TMEM100: variants seen among roughly 807,000 people sequenced by gnomAD.
TMEM100 encodes the protein transmembrane protein 100.
For missense variants in TMEM100, 137 were observed against 168.2 expected (o/e 0.81, Z 1.02); for synonymous variants, 61 against 67.1 (o/e 0.91, Z 0.44).
chr17:55,729,208 G>T (rs1483409007), intron 1 of TMEM100, among the ~76,000 whole-genome samples: 1 of 152,206 alleles, frequency 6.6e-6, no homozygotes, highest in Non-Finnish European at 1.5e-5. Context: ...TGAGACACCA[G>T]TTGGGATGCC....
Position 55,721,117 on chromosome 17 carries a change from A to G in TMEM100, c.-47T>C. 1 of 1,547,226 alleles carries G rather than the reference A, an allele frequency of 6.5e-7. No individual in the cohort carries two copies. Among genetic ancestry groups the G allele is most frequent in the Middle Eastern group, 1.8e-4 (1 of 5,614 alleles). On this transcript the variant is annotated 5_prime_UTR_variant, in exon 2 of 2. Transcript: ENST00000424486. ...CTGGGTTTACAGACTAGATCTGGAC[A>G]GTCTCACCAGGGTGAAAGCTGTGAA... is the stretch of plus-strand genomic sequence containing the variant.
chr17:55,723,567 C>T (rs1434263402), upstream of TMEM100, among the ~76,000 whole-genome samples: 2 of 152,130 alleles, frequency 1.3e-5, no homozygotes, highest in Non-Finnish European at 2.9e-5. Flanking sequence ...TAAGAAATGT[C>T]ACATATTAAT....
intron 1 of TMEM100, 183 bp downstream of exon 1, chr17:55,722,436 C>T (rs1908923271): frequency 6.6e-6 from 1 of 152,192 alleles, no homozygotes; most frequent in East Asian, 1.9e-4. Context: ...CTTAGAGCTG[C>T]CTACTCACAT....
intron 1 of TMEM100, among the ~76,000 whole-genome samples, chr17:55,728,296 C>G (rs1909122475): frequency 6.6e-6 from 1 of 152,102 alleles, no homozygotes; most frequent in African/African-American, 2.4e-5. Context: ...CTAAGTTTAG[C>G]TTAAGTCTCA....
chr17:55,723,763 T>C (rs942964378), upstream of TMEM100, among the ~76,000 whole-genome samples: 2 of 152,212 alleles, frequency 1.3e-5, no homozygotes. Context: ...TCCCTACCTA[T>C]GTTGAGACCT....
At chr17:55,729,983 T>A (rs1413223524) in intron 1 of TMEM100, among the ~76,000 whole-genome samples, 3 of 152,186 alleles carry the variant, frequency 2.0e-5, no homozygotes, top group Non-Finnish European at 4.4e-5. Flanking sequence ...ACTTCACATA[T>A]GGAGAAACGC....
At chr17:55,728,768 A>T (rs988546720) in intron 1 of TMEM100, among the ~76,000 whole-genome samples, 1 of 152,188 alleles carries the variant, frequency 6.6e-6, no homozygotes, top group Non-Finnish European at 1.5e-5. Flanking sequence ...AGGCCCAGGG[A>T]AGATGAAATC....
chr17:55,731,736 A>G (rs1226314050), exon 1 of TMEM100: 1 of 152,208 alleles, frequency 6.6e-6, no homozygotes, highest in Non-Finnish European at 1.5e-5. Context: ...TCGGGGACTG[A>G]CTGCAGCACA....
intron 1 of TMEM100, among the ~76,000 whole-genome samples, chr17:55,729,799 TA>T (rs1025316217): frequency 2.0e-5 from 3 of 152,220 alleles, no homozygotes; most frequent in African/African-American, 7.2e-5. Flanking sequence ...CATTCAATTT[TA>T]AATTGCTTGA....
At chr17:55,724,952 C>T (rs1909023838), upstream of TMEM100, among the ~76,000 whole-genome samples, 1 of 152,172 alleles carries the variant, frequency 6.6e-6, no homozygotes, top group Non-Finnish European at 1.5e-5. Context: ...GGTGTGTGCA[C>T]CTGCCTTGAT....
rs1908796868 is a variant in TMEM100 at position 55,719,703 on chromosome 17, T to G, written c.*963A>C. 1 of 152,230 alleles carries G rather than the reference T, an allele frequency of 6.6e-6. No homozygotes were observed. Among genetic ancestry groups the G allele is most frequent in the Admixed American group, 6.5e-5 (1 of 15,282 alleles). 9.4% of individuals were successfully genotyped at this position (152,230 alleles called of 1,614,324 possible). On this transcript the variant is annotated 3_prime_UTR_variant, in exon 2 of 2. Transcript: ENST00000424486. ...AAAGACGTTGATTTCCTAATTATAA[T>G]AGCACAGAAATCCTTTAGAATTTAG...
intron 1 of TMEM100, among the ~76,000 whole-genome samples, chr17:55,729,101 T>C (rs2144872967): frequency 6.6e-6 from 1 of 152,356 alleles, no homozygotes; most frequent in Non-Finnish European, 1.5e-5. Flanking sequence ...TGAACAGGAT[T>C]GCACAGTGAG....
At chr17:55,730,558 A>G (rs1251533622) in intron 1 of TMEM100, among the ~76,000 whole-genome samples, 4 of 152,140 alleles carry the variant, frequency 2.6e-5, no homozygotes, top group Non-Finnish European at 5.9e-5. Context: ...CTTGCCTTCA[A>G]ATAATCTCTT....
rs774391817 is a variant in TMEM100, at chr17:55,721,014, C to CGCTGCCATGTGAGCCTTTGGG, written c.36_56dup (p.Pro13_Ala19dup). On this transcript the variant is annotated inframe_insertion, in exon 2 of 2. Transcript: ENST00000424486. ...CACTCTTGGGGCTCTTCTCCATCGTCGCTGCCATGTGAGCCTTTGGGGCTC... is the reference window on the plus strand; with the variant it reads ...CACTCTTGGGGCTCTTCTCCATCGTCGCTGCCATGTGAGCCTTTGGGGCTGCCATGTGAGCCTTTGGGGCTC... 1.2e-6 allele frequency: 2 copies of CGCTGCCATGTGAGCCTTTGGG among 1,614,096 alleles called. No individual in the cohort carries two copies. The highest frequency in any genetic ancestry group is 2.2e-5 in the South Asian group (2 of 91,068).
At chr17:55,722,096 C>A (rs1342780856) in intron 1 of TMEM100, among the ~76,000 whole-genome samples, 1 of 152,136 alleles carries the variant, frequency 6.6e-6, no homozygotes, top group Non-Finnish European at 1.5e-5. Context: ...TATTTCGTAC[C>A]TGAACATTTC....
At chr17:55,726,984 G>A (rs1170932534), upstream of TMEM100, among the ~76,000 whole-genome samples, 1 of 152,064 alleles carries the variant, frequency 6.6e-6, no homozygotes, top group Non-Finnish European at 1.5e-5. Flanking sequence ...TTCTAGGTAT[G>A]GGAATCTCAT....
chr17:55,728,839 AT>A (rs1326516467), intron 1 of TMEM100, among the ~76,000 whole-genome samples: 1 of 152,142 alleles, frequency 6.6e-6, no homozygotes, highest in African/African-American at 2.4e-5. Flanking sequence ...TGGAATCTTC[AT>A]GGCACACAGG....
Position 55,720,511 on chromosome 17 carries a change from C to T in TMEM100, c.*155G>A. ...TCGTTAAAGAAGACATGAGTCATTC[C>T]TCACAAAGGAGAAGCCCCTCCACCC... On this transcript the variant is annotated 3_prime_UTR_variant, in exon 2 of 2. Transcript: ENST00000424486. The T allele has an allele frequency of 3.2e-6, 3 of 931,518 alleles. No individual in the cohort carries two copies. The South Asian group carries it at 5.3e-5, about 17-fold the overall frequency. The allele number at this position is 931,518 out of a possible 1,614,324, so 57.7% of individuals were successfully genotyped here. A position where few individuals can be genotyped will look rare whatever the true frequency, so the allele number is the denominator to read the frequency against.
Position 55,720,567 on chromosome 17 carries a change from C to A in TMEM100, c.*99G>T. The A allele has an allele frequency of 5.6e-5, 49 of 878,802 alleles. No homozygotes were observed. Among genetic ancestry groups the A allele is most frequent in the Middle Eastern group, 3.5e-4 (1 of 2,880 alleles). The allele number at this position is 878,802 out of a possible 1,614,324, so 54.4% of individuals were successfully genotyped here. Reference sequence around the variant, plus strand: ...CCCCCATTCTTCCAGTCTGCTCCAACGCCAAGTCTGTTCTCTCCCACCATG... The same window carrying A: ...CCCCCATTCTTCCAGTCTGCTCCAAAGCCAAGTCTGTTCTCTCCCACCATG... On this transcript the variant is annotated 3_prime_UTR_variant, in exon 2 of 2. Transcript: ENST00000424486.
Sources: allele counts gnomAD v4.1 joint callset (sites outside exome capture counted in the v4.1 genomes callset), GRCh38; gene constraint gnomAD v4.1.1; transcripts MANE v1.5; gene names NCBI Gene and HGNC (gene_info 2026-07-23, HGNC 2026-07-21).